TMCC2: variants seen among roughly 807,000 people sequenced by gnomAD.
The protein encoded by TMCC2 is transmembrane and coiled-coil domains protein 2.
TMCC2 carries 16 observed loss-of-function variants against 49.4 expected under a neutral mutation model. That is an observed-to-expected ratio of 0.32 (90% CI 0.22 to 0.49). The LOEUF is 0.49. Among genes scored for constraint, TMCC2 ranks in the 20% least tolerant of loss-of-function variants. The probability of loss-of-function intolerance (pLI) is 0.99; values close to 1 mark genes in which losing one functional copy is unlikely to be tolerated. For missense variants in TMCC2, 762 were observed against 989.8 expected (o/e 0.77, Z 3.09); for synonymous variants, 397 against 434.1 (o/e 0.91, Z 1.06).
chr1:205,239,982 A>G (rs1660204069), intron 1 of TMCC2, among the ~76,000 whole-genome samples: 1 of 152,174 alleles, frequency 6.6e-6, no homozygotes, highest in Admixed American at 6.5e-5. Flanking sequence ...GAAAAAAAAA[A>G]AGAAAATCCA....
In TMCC2 at chr1:205,241,271, G is replaced by A. The variant is rs1330350785; in HGVS notation, c.208-234G>A. ...CCTTCATTTTGATTAGGAATGTCCC[G>A]TGGAAAACCGTGGGGGCACACTTCT... is the stretch of plus-strand genomic sequence containing the variant. On this transcript the variant is annotated intron_variant, in intron 1 of 4. Coordinates refer to ENST00000358024, the MANE Select transcript of TMCC2 (RefSeq NM_014858.4). The surrounding 1 kb of genome is among the most constrained non-coding windows in gnomAD (Gnocchi z 7.3). 4.6e-5 allele frequency among the ~76,000 whole-genome samples: 7 copies of A among 152,140 alleles called. No individual in the cohort carries two copies. Among genetic ancestry groups the A allele is most frequent in the Admixed American group, 1.3e-4 (2 of 15,272 alleles).
At chr1:205,255,202 C>CA (rs11406321) in intron 2 of TMCC2, among the ~76,000 whole-genome samples, 37,180 of 93,268 alleles carry the variant, frequency 0.4, 6,512 homozygotes, top group Non-Finnish European at 0.47. Context: ...GATCCTGTCT[C>CA]AAAAAAAAAA....
intron 2 of TMCC2, 109 bp downstream of exon 2, chr1:205,242,153 C>A: frequency 8.1e-7 from 1 of 1,229,912 alleles, no homozygotes; most frequent in Non-Finnish European, 1.1e-6. Flanking sequence ...CAGATACTGA[C>A]ACCCCACCGT....
At position 205,257,089 on chromosome 1, in the gene TMCC2, C is replaced by T. The variant is rs965790711; in HGVS notation, c.748-11861C>T. On this transcript the variant is annotated intron_variant, in intron 2 of 4. Coordinates refer to ENST00000358024, the MANE Select transcript of TMCC2 (RefSeq NM_014858.4). ...CATCAGAGCTCGGTCCTCCCGCGCT[C>T]GGTGATCCTCCCTGTCTCCTGCCAG... 8 of 1,159,300 alleles carry T rather than the reference C, an allele frequency of 6.9e-6. No individual in the cohort carries two copies. In the African/African-American group the frequency reaches 9.5e-5, roughly 14 times the overall value. The allele number at this position is 1,159,300 out of a possible 1,614,324, so 71.8% of individuals were successfully genotyped here.
chr1:205,239,855 C>G (rs1357846506), intron 1 of TMCC2, among the ~76,000 whole-genome samples: 1 of 152,024 alleles, frequency 6.6e-6, no homozygotes, highest in East Asian at 1.9e-4. Context: ...TGCACAAACT[C>G]AAGGCTGAGT....
intron 2 of TMCC2, among the ~76,000 whole-genome samples, chr1:205,251,613 T>G (rs1002656198): frequency 1.3e-5 from 2 of 152,236 alleles, no homozygotes; most frequent in African/African-American, 4.8e-5. Flanking sequence ...AGACAAGTGC[T>G]CTGTAACATT....
intron 2 of TMCC2, among the ~76,000 whole-genome samples, chr1:205,254,756 CTCTT>C (rs1395927503): frequency 1.3e-5 from 2 of 152,126 alleles, no homozygotes; most frequent in African/African-American, 2.4e-5. Context: ...TTGCAGGAAA[CTCTT>C]TCTGTTGCTT....
intron 1 of TMCC2, chr1:205,233,910 T>A (rs1659916562): frequency 6.6e-6 from 1 of 152,088 alleles, no homozygotes; most frequent in African/African-American, 2.4e-5. Context: ...GAGAGTTTCT[T>A]CATTTTTTAA....
chr1:205,228,462 A>T lies in TMCC2; in HGVS notation c.-103A>T. Reference sequence around the variant, plus strand: ...TGGTCTGCCATCTCCCCTCCTTGTTAATAATTTAGACCCCAGGCCTCATAT... The same window carrying T: ...TGGTCTGCCATCTCCCCTCCTTGTTTATAATTTAGACCCCAGGCCTCATAT... On this transcript the variant is annotated 5_prime_UTR_variant, in exon 1 of 5. Transcript: ENST00000358024. 1 of 968,964 alleles carries T rather than the reference A, an allele frequency of 1.0e-6. No homozygotes were observed. The highest frequency in any genetic ancestry group is 1.5e-6 in the Non-Finnish European group (1 of 670,292). 60.0% of individuals were successfully genotyped at this position (968,964 alleles called of 1,614,324 possible). A position where few individuals can be genotyped will look rare whatever the true frequency, so the allele number is the denominator to read the frequency against.
rs35501417 is a variant in TMCC2, at chr1:205,264,490, G to GT, written c.748-4448dup. 4.3e-3 allele frequency among the ~76,000 whole-genome samples: 606 copies of GT among 139,760 alleles called. 2 individuals carry two copies. The highest frequency in any genetic ancestry group is 0.012 in the African/African-American group (443 of 37,336). The allele number at this position is 139,760 out of a possible 152,430, so 91.7% of individuals were successfully genotyped here. On this transcript the variant is annotated intron_variant, in intron 2 of 4. Transcript: ENST00000358024. This position sits in a 1 kb window ranked among gnomAD's most constrained non-coding sequence, Gnocchi z 4.2. Reference sequence around the variant, plus strand: ...CATGCCACCACACTCAGTTAATTTTGTTTTTTTTTTTTGGGACGGAGTCTC... The same window carrying GT: ...CATGCCACCACACTCAGTTAATTTTGTTTTTTTTTTTTTGGGACGGAGTCTC...
At chr1:205,254,290 G>A (rs992435138) in intron 2 of TMCC2, among the ~76,000 whole-genome samples, 10 of 152,260 alleles carry the variant, frequency 6.6e-5, no homozygotes, top group Admixed American at 2.0e-4. Context: ...TCTTTACGCC[G>A]TCCTCCCATC....
chr1:205,269,377 G>A lies in TMCC2; in HGVS notation c.1175G>A (p.Arg392His), dbSNP rs539571154. 9.3e-6 allele frequency: 15 copies of A among 1,610,924 alleles called. 1 individual carries two copies. The highest frequency in any genetic ancestry group is 1.3e-5 in the African/African-American group (1 of 74,996). ...QGLKDVGANV[R>H]AGISGFGGGV... ...CTGAAGGACGTGGGCGCCAACGTGCGCGCAGGCATCAGCGGCTTTGGGGGC... is the reference window on the plus strand; with the variant it reads ...CTGAAGGACGTGGGCGCCAACGTGCACGCAGGCATCAGCGGCTTTGGGGGC... The change falls in exon 3 of 5, where the codon CGC becomes CAC. Residue 392 changes from arginine to histidine, a missense_variant. Coordinates refer to ENST00000358024, the MANE Select transcript of TMCC2 (RefSeq NM_014858.4).
chr1:205,256,435 C>A (rs1280705327), intron 2 of TMCC2: 1 of 1,550,144 alleles, frequency 6.5e-7, no homozygotes, highest in African/African-American at 1.4e-5. Context: ...CCCATCTGTG[C>A]TTTATCTTGG....
intron 2 of TMCC2, among the ~76,000 whole-genome samples, chr1:205,251,958 C>A (rs139510156): frequency 7.9e-4 from 120 of 152,248 alleles, no homozygotes; most frequent in African/African-American, 2.8e-3. Flanking sequence ...TTATTCCTGG[C>A]AAATAGGGTG....
Position 205,263,436 on chromosome 1 carries a change from A to G in TMCC2, c.748-5514A>G, listed in dbSNP as rs1661197777. Among the ~76,000 whole-genome samples the G allele has an allele frequency of 3.3e-5, 5 of 152,144 alleles. No homozygotes were observed. In the South Asian group the frequency reaches 1.0e-3, roughly 31 times the overall value. ...GAGTGCAGCTTGGCTCAGGCCTGTA[A>G]TCCCAGCACTTTAGGAGGCCAAGGC... On this transcript the variant is annotated intron_variant, in intron 2 of 4. Transcript: ENST00000358024.
intron 2 of TMCC2, among the ~76,000 whole-genome samples, chr1:205,255,048 C>G (rs1660808843): frequency 6.6e-6 from 1 of 152,040 alleles, no homozygotes; most frequent in Non-Finnish European, 1.5e-5. Flanking sequence ...CCCATCTCTG[C>G]AAAAACTAGC....
chr1:205,233,230 T>C (rs1659880925), intron 1 of TMCC2, among the ~76,000 whole-genome samples: 1 of 152,180 alleles, frequency 6.6e-6, no homozygotes, highest in Non-Finnish European at 1.5e-5. Context: ...AAGGTTCTCT[T>C]TCCTCTCACA....
intron 1 of TMCC2, among the ~76,000 whole-genome samples, chr1:205,237,093 C>A (rs1032942530): frequency 2.0e-5 from 3 of 151,922 alleles, no homozygotes; most frequent in African/African-American, 7.3e-5. Flanking sequence ...TTCCAAAAAT[C>A]TTTCATCACT....
chr1:205,228,418 T>G lies in TMCC2; in HGVS notation c.-147T>G. The G allele has an allele frequency of 3.1e-6, 2 of 644,090 alleles. No homozygotes were observed. Among genetic ancestry groups the G allele is most frequent in the Non-Finnish European group, 5.1e-6 (2 of 391,816 alleles). The allele number at this position is 644,090 out of a possible 1,614,324, so 39.9% of individuals were successfully genotyped here. A position where few individuals can be genotyped will look rare whatever the true frequency, so the allele number is the denominator to read the frequency against. On this transcript the variant is annotated 5_prime_UTR_variant, in exon 1 of 5. Transcript: ENST00000358024. The stretch of plus-strand genomic sequence containing the variant: ...CCCTCACCCGCCTTTAAGAATTTTT[T>G]TTTTAATTCAAGAAATTGTGGTCTG...
Sources: allele counts gnomAD v4.1 joint callset (sites outside exome capture counted in the v4.1 genomes callset), GRCh38; gene constraint gnomAD v4.1.1; non-coding constraint Gnocchi (gnomAD v3.1); transcripts MANE v1.5; gene names NCBI Gene and HGNC (gene_info 2026-07-23, HGNC 2026-07-21).